Variants in FRRS1 observed in about 807,000 individuals in gnomAD.
FRRS1 encodes the protein ferric chelate reductase 1.
Under a neutral mutation model 70.7 loss-of-function variants are expected in FRRS1, and 51 were observed. The observed-to-expected ratio is 0.72, with a 90% CI of 0.58 to 0.91. The LOEUF is 0.91. Ranked by LOEUF, FRRS1 falls within the 40% of genes least tolerant of loss-of-function variation. The pLI is 0.00. For synonymous variants in FRRS1, 225 were observed against 238.7 expected, an observed-to-expected ratio of 0.94 and a Z score of 0.53; for missense variants, 672 against 726.0, an observed-to-expected ratio of 0.93 and a Z score of 0.86.
In FRRS1 at chr1:99,715,596, C is replaced by T. The variant is rs376974732; in HGVS notation, c.1313G>A (p.Gly438Asp). 1 of 1,607,324 alleles carries T rather than the reference C, an allele frequency of 6.2e-7. No homozygotes were observed. Among genetic ancestry groups the T allele is most frequent in the Non-Finnish European group, 8.5e-7 (1 of 1,173,956 alleles). Reference sequence around the variant, plus strand: ...TTAAGATATACTTACCCTACTCCAGCCTCCCCTGTATATAAACGGCATAAC... The same window carrying T: ...TTAAGATATACTTACCCTACTCCAGTCTCCCCTGTATATAAACGGCATAAC... ...AFVMPFIYRGGWSRHAGYHPY... is the reference protein window; with the variant it reads ...AFVMPFIYRGDWSRHAGYHPY... The change falls in exon 12 of 17, where the codon GGC becomes GAC. Residue 438 changes from glycine (G) to aspartate (D), a missense_variant. Physicochemically the swap from Gly to Asp is moderately conservative, Grantham distance 94 (BLOSUM62 -1). Coordinates refer to ENST00000646001, the MANE Select transcript of FRRS1 (RefSeq NM_001361041.2).
At chr1:99,715,738 G>C in intron 11 of FRRS1, 66 bp from the exon 12 acceptor site, 1 of 1,018,918 alleles carries the variant, frequency 9.8e-7, no homozygotes, top group Non-Finnish European at 1.6e-6. Context: ...TGTTGCAACG[G>C]GGAAAATGGG....
chr1:99,760,781 C>T (rs1485991720), intron 1 of FRRS1, among the ~76,000 whole-genome samples: 2 of 152,104 alleles, frequency 1.3e-5, no homozygotes, highest in Admixed American at 6.5e-5. Context: ...TCCCAAGTAG[C>T]TGGGATTACA....
rs112783322 is a variant in FRRS1, at chr1:99,705,017, C to T, written c.*4011G>A. On this transcript the variant is annotated 3_prime_UTR_variant, in exon 17 of 17. Coordinates refer to ENST00000646001, the MANE Select transcript of FRRS1 (RefSeq NM_001361041.2). ...CCCAGGGATACAGAAAGCCCTCTGT[C>T]CTTGCAATAAGGCAGGGGTCTAATT... Among the ~76,000 whole-genome samples, 668 of 152,316 alleles carry T rather than the reference C, an allele frequency of 4.4e-3. 5 individuals are homozygous for T. The highest frequency in any genetic ancestry group is 0.015 in the African/African-American group (644 of 41,572).
chr1:99,721,744 G>C (rs1019820988), intron 9 of FRRS1, among the ~76,000 whole-genome samples: 5 of 151,498 alleles, frequency 3.3e-5, no homozygotes. Context: ...GATTACAGGA[G>C]CCTGCCACTG....
chr1:99,732,501 A>G (rs1259017280), intron 7 of FRRS1, among the ~76,000 whole-genome samples: 1 of 152,260 alleles, frequency 6.6e-6, no homozygotes, highest in East Asian at 1.9e-4. Flanking sequence ...ATGGCCAGAG[A>G]ATTGAAAATG....
intron 7 of FRRS1, among the ~76,000 whole-genome samples, chr1:99,736,916 C>T (rs1218746152): frequency 6.6e-6 from 1 of 151,590 alleles, no homozygotes; most frequent in Non-Finnish European, 1.5e-5. Context: ...ATCAAGTGCA[C>T]TTTCAGGACG....
rs1478192131 is a variant in FRRS1 at position 99,704,234 on chromosome 1, G to T, written c.*4794C>A. On this transcript the variant is annotated 3_prime_UTR_variant, in exon 17 of 17. Transcript: ENST00000646001. ...TAAGTGACTTACCCAAGGACATGCAGCTTGTAAACCAACAAGCAAACATGC... is the reference window on the plus strand; with the variant it reads ...TAAGTGACTTACCCAAGGACATGCATCTTGTAAACCAACAAGCAAACATGC... Among the ~76,000 whole-genome samples the T allele has an allele frequency of 6.6e-6, 1 of 152,170 alleles. No individual in the cohort carries two copies. The highest frequency in any genetic ancestry group is 2.4e-5 in the African/African-American group (1 of 41,432).
At position 99,733,258 on chromosome 1, in the gene FRRS1, G is replaced by A. The variant is rs868442546; in HGVS notation, c.760-3510C>T. ...GGACTAATGGCGGGTTACTACAGCAGTCCAGGAAGCAGACAGTAAAACTAC... is the reference window on the plus strand; with the variant it reads ...GGACTAATGGCGGGTTACTACAGCAATCCAGGAAGCAGACAGTAAAACTAC... On this transcript the variant is annotated intron_variant, in intron 7 of 16. Coordinates refer to ENST00000646001, the MANE Select transcript of FRRS1 (RefSeq NM_001361041.2). Among the ~76,000 whole-genome samples, 20 of 152,272 alleles carry A rather than the reference G, an allele frequency of 1.3e-4. No individual in the cohort carries two copies. The Middle Eastern group carries it at 0.02, about 155-fold the overall frequency.
chr1:99,741,168 G>A (rs1250067229), intron 5 of FRRS1, among the ~76,000 whole-genome samples: 1 of 152,104 alleles, frequency 6.6e-6, no homozygotes, highest in Non-Finnish European at 1.5e-5. Context: ...TTATTTGTCT[G>A]TTTTGGGGGC....
rs778573568 is a variant in FRRS1 at position 99,710,811 on chromosome 1, C to T, written c.1619G>A (p.Arg540His). 1.2e-6 allele frequency: 2 copies of T among 1,613,054 alleles called. No individual in the cohort carries two copies. Among genetic ancestry groups the T allele is most frequent in the African/African-American group, 2.7e-5 (2 of 74,820 alleles). Reference sequence around the variant, plus strand: ...TGGCTTTTTTACCAGGTTACCTTTGCGAGAGAGCCGATAAGCATGTACCTC... The same window carrying T: ...TGGCTTTTTTACCAGGTTACCTTTGTGAGAGAGCCGATAAGCATGTACCTC... ...VLEVHAYRLS[R>H]KVEILDDDRI... The change falls in exon 15 of 17, where the codon CGC becomes CAC. Residue 540 changes from arginine (R) to histidine (H), a missense_variant. By Grantham distance (29) the Arg-to-His change is conservative (BLOSUM62 0). Coordinates refer to ENST00000646001, the MANE Select transcript of FRRS1 (RefSeq NM_001361041.2).
At position 99,710,944 on chromosome 1, in the gene FRRS1, C is replaced by T; in HGVS notation, c.1486G>A (p.Ala496Thr). Residue 496 changes from alanine to threonine, a missense_variant, in exon 15 of 17, where the codon GCG becomes ACG. Ala to Thr is a moderately conservative substitution (Grantham distance 58). Coordinates refer to ENST00000646001, the MANE Select transcript of FRRS1 (RefSeq NM_001361041.2). Reference protein sequence around the residue: ...GTAARIIAVAAMFLGMDLPGL... With the variant: ...GTAARIIAVATMFLGMDLPGL... The stretch of plus-strand genomic sequence containing the variant: ...GGTAAATCCATTCCCAGGAACATCG[C>T]TGCCACTACATACAAAAGAAAAAAG... 1.2e-6 allele frequency: 2 copies of T among 1,612,938 alleles called. No individual in the cohort carries two copies. Among genetic ancestry groups the T allele is most frequent in the South Asian group, 2.2e-5 (2 of 90,878 alleles).
chr1:99,724,049 A>G (rs1654961488), intron 9 of FRRS1, among the ~76,000 whole-genome samples: 2 of 152,230 alleles, frequency 1.3e-5, no homozygotes, highest in African/African-American at 4.8e-5. Flanking sequence ...AGTTATGAAA[A>G]AGAGACTCCA....
intron 9 of FRRS1, among the ~76,000 whole-genome samples, chr1:99,725,841 C>A (rs901984871): frequency 6.6e-6 from 1 of 152,216 alleles, no homozygotes. Context: ...ATTTATTATA[C>A]AACAGAATTC....
rs1183644928 is a variant in FRRS1 at position 99,747,341 on chromosome 1, A to G, written c.286T>C (p.Leu96=). The change falls in exon 4 of 17, where the codon TTG becomes CTG. Residue 96 remains leucine, a synonymous_variant. Transcript: ENST00000646001. ...LNGPPIGSFT[L]IDSEVSQLLT... Reference sequence around the variant, plus strand: ...AGTTGTGACACTTCACTGTCAATCAATGTGAAGGAGCCAATAGGAGGGCCA... The same window carrying G: ...AGTTGTGACACTTCACTGTCAATCAGTGTGAAGGAGCCAATAGGAGGGCCA... 11 of 1,613,980 alleles carry G rather than the reference A, an allele frequency of 6.8e-6. No individual in the cohort carries two copies. The highest frequency in any genetic ancestry group is 1.7e-5 in the Admixed American group (1 of 60,004).
chr1:99,738,876 T>C (rs1655811463), intron 6 of FRRS1, among the ~76,000 whole-genome samples: 1 of 151,998 alleles, frequency 6.6e-6, no homozygotes, highest in South Asian at 2.1e-4. Flanking sequence ...TAAGCAACAA[T>C]CGGATGACTT....
chr1:99,750,964 A>G (rs1656541701), intron 1 of FRRS1, among the ~76,000 whole-genome samples: 1 of 152,180 alleles, frequency 6.6e-6, no homozygotes, highest in Non-Finnish European at 1.5e-5. Context: ...ATAAAATATT[A>G]TTTCTGGAAG....
chr1:99,715,659 A>C lies in FRRS1; in HGVS notation c.1250T>G (p.Leu417Arg). The C allele has an allele frequency of 3.1e-6, 5 of 1,612,020 alleles. No individual in the cohort carries two copies. The highest frequency in any genetic ancestry group is 4.2e-6 in the Non-Finnish European group (5 of 1,178,072). Residue 417 changes from leucine to arginine, a missense_variant, in exon 12 of 17, where the codon CTC becomes CGC. Physicochemically the swap from Leu to Arg is moderately radical, Grantham distance 102. Transcript: ENST00000646001. ...EAAWFQVHRM[L>R]MFTTTVLTCI... Reference sequence around the variant, plus strand: ...GGTGAGGACAGTTGTGGTGAACATGAGCATCCGATGCACCTGCAAGGTAAA... The same window carrying C: ...GGTGAGGACAGTTGTGGTGAACATGCGCATCCGATGCACCTGCAAGGTAAA...
At chr1:99,764,649 G>C (rs1019248151) in intron 1 of FRRS1, among the ~76,000 whole-genome samples, 1 of 152,174 alleles carries the variant, frequency 6.6e-6, no homozygotes, top group Non-Finnish European at 1.5e-5. Context: ...ACCTAGGTTT[G>C]AATCTGTCCA....
intron 9 of FRRS1, among the ~76,000 whole-genome samples, chr1:99,724,203 T>C (rs1654969370): frequency 6.6e-6 from 1 of 152,240 alleles, no homozygotes; most frequent in Admixed American, 6.5e-5. Context: ...GGCTCCATTA[T>C]AATTTTGCAG....
Sources: gnomAD v4.1 joint callset for allele counts (sites outside exome capture counted in the v4.1 genomes callset) on GRCh38, gnomAD v4.1.1 for gene constraint, MANE v1.5 for transcripts, NCBI Gene and HGNC (gene_info 2026-07-23, HGNC 2026-07-21) for gene names.